Variants in ZPBP observed in about 807,000 individuals in gnomAD.
ZPBP encodes zona pellucida-binding protein 1.
Under a neutral mutation model 44.8 loss-of-function variants are expected in ZPBP, and 26 were observed. The observed-to-expected ratio is 0.58, with a 90% CI of 0.43 to 0.81. ZPBP has a LOEUF of 0.81. Ranked by LOEUF, ZPBP falls within the 30% of genes least tolerant of loss-of-function variation. The pLI, the probability that ZPBP is intolerant of heterozygous loss-of-function variation, is 0.00. For synonymous variants in ZPBP, 174 were observed against 153.2 expected (o/e 1.14, Z -1.00); for missense variants, 409 against 434.0 (o/e 0.94, Z 0.51).
chr7:50,029,121 G>A (rs910877436), intron 5 of ZPBP, among the ~76,000 whole-genome samples: 1 of 152,114 alleles, frequency 6.6e-6, no homozygotes, highest in African/African-American at 2.4e-5. Context: ...ATGGTGTACT[G>A]ACAGAAGAAC....
intron 1 of ZPBP, among the ~76,000 whole-genome samples, chr7:49,922,363 G>A (rs1050630882): frequency 2.6e-5 from 4 of 152,006 alleles, no homozygotes; most frequent in Admixed American, 6.6e-5. Flanking sequence ...GCGCTGGCTT[G>A]GAGAAAGGCT....
chr7:49,998,347 G>A (rs890822140), intron 6 of ZPBP, among the ~76,000 whole-genome samples: 12 of 152,166 alleles, frequency 7.9e-5, no homozygotes, highest in East Asian at 3.9e-4. Flanking sequence ...AAGACTCTCC[G>A]CTTCAGGGCA....
chr7:49,891,605 T>C (rs1214571738), intron 2 of ZPBP, among the ~76,000 whole-genome samples: 1 of 152,052 alleles, frequency 6.6e-6, no homozygotes, highest in Non-Finnish European at 1.5e-5. Context: ...GTCGATAAAA[T>C]ATAACAATAA....
chr7:49,928,191 T>C (rs548823672), intron 1 of ZPBP, among the ~76,000 whole-genome samples: 2 of 152,312 alleles, frequency 1.3e-5, no homozygotes, highest in Admixed American at 1.3e-4. Flanking sequence ...GGCTGACCAA[T>C]GCCCACAGGA....
At chr7:50,016,449 T>C (rs1212019319) in intron 6 of ZPBP, among the ~76,000 whole-genome samples, 1 of 152,100 alleles carries the variant, frequency 6.6e-6, no homozygotes, top group Admixed American at 6.6e-5. Context: ...TATCAGGTAC[T>C]ATGCTCACTA....
At chr7:49,913,453 T>C (rs1793560650) in intron 1 of ZPBP, 1 of 152,162 alleles carries the variant, frequency 6.6e-6, no homozygotes, top group African/African-American at 2.4e-5. Context: ...TCTTAATAGG[T>C]GTAGGATAAA....
intron 2 of ZPBP, among the ~76,000 whole-genome samples, chr7:49,881,677 T>C (rs1791668320): frequency 6.6e-6 from 1 of 152,186 alleles, no homozygotes; most frequent in African/African-American, 2.4e-5. Flanking sequence ...ATATTAGTTT[T>C]CCCTAAAAGT....
At chr7:50,021,111 T>C (rs1174355064) in intron 5 of ZPBP, among the ~76,000 whole-genome samples, 1 of 151,854 alleles carries the variant, frequency 6.6e-6, no homozygotes. Context: ...TCAAAAAAAA[T>C]AGTAGTTATA....
intron 6 of ZPBP, among the ~76,000 whole-genome samples, 176 bp from the exon 7 acceptor site, chr7:49,983,695 A>G (rs994938697): frequency 1.3e-5 from 2 of 152,138 alleles, no homozygotes; most frequent in Admixed American, 6.5e-5. Flanking sequence ...TCATCTATAA[A>G]CATCAAATAT....
chr7:50,057,739 C>A (rs192142249), intron 4 of ZPBP, among the ~76,000 whole-genome samples: 136 of 152,234 alleles, frequency 8.9e-4, no homozygotes, highest in Admixed American at 1.6e-3. Flanking sequence ...ATTTATACAT[C>A]CCTGGCCCTA....
intron 4 of ZPBP, among the ~76,000 whole-genome samples, chr7:50,046,228 T>C (rs1299584087): frequency 6.6e-6 from 1 of 152,302 alleles, no homozygotes; most frequent in Non-Finnish European, 1.5e-5. Flanking sequence ...ATTCAGGACA[T>C]AGGCATGGCC....
intron 6 of ZPBP, among the ~76,000 whole-genome samples, chr7:49,994,830 G>A (rs921292455): frequency 6.6e-6 from 1 of 152,110 alleles, no homozygotes; most frequent in African/African-American, 2.4e-5. Flanking sequence ...TAGACCTGTC[G>A]TAGATCCATT....
intron 5 of ZPBP, among the ~76,000 whole-genome samples, chr7:50,018,684 T>C (rs1584053877): frequency 6.6e-6 from 1 of 152,142 alleles, no homozygotes; most frequent in East Asian, 1.9e-4. Context: ...ATATACTGTG[T>C]GTCATTTAAC....
rs143063355 is a variant in ZPBP at position 49,881,739 on chromosome 7, G to T, written n.509+19379C>A. The stretch of plus-strand genomic sequence containing the variant: ...AATAACTCTAAATAGGCTTTTGATA[G>T]GCAATTCATCTCTTTAATTCATCTC... On this transcript the variant is annotated intron_variant and non_coding_transcript_variant, in intron 2 of 2. Transcript: ENST00000465922. Among the ~76,000 whole-genome samples the T allele has an allele frequency of 1.7e-3, 266 of 152,162 alleles. 3 individuals carry two copies. The highest frequency in any genetic ancestry group is 6.0e-3 in the African/African-American group (249 of 41,532).
At chr7:49,923,411 C>G (rs993734102) in intron 1 of ZPBP, among the ~76,000 whole-genome samples, 3 of 152,186 alleles carry the variant, frequency 2.0e-5, no homozygotes, top group Non-Finnish European at 4.4e-5. Context: ...AGTTAAACAT[C>G]TTTAATATGC....
chr7:50,090,512 T>C (rs1802907676), intron 1 of ZPBP, among the ~76,000 whole-genome samples: 1 of 151,538 alleles, frequency 6.6e-6, no homozygotes, highest in African/African-American at 2.4e-5. Context: ...TATATATATG[T>C]GTATATATGT....
intron 1 of ZPBP, chr7:49,917,555 C>T (rs1055462653): frequency 6.6e-6 from 1 of 152,106 alleles, no homozygotes; most frequent in African/African-American, 2.4e-5. Context: ...TTATCAAAAG[C>T]AATCAAAGTA....
chr7:49,988,360 A>G (rs948127007), intron 6 of ZPBP, among the ~76,000 whole-genome samples: 13 of 152,170 alleles, frequency 8.5e-5, no homozygotes. Context: ...TAGATGCTAC[A>G]GAGGGCCCCT....
At chr7:50,043,352 T>C (rs1284292771) in intron 4 of ZPBP, among the ~76,000 whole-genome samples, 1 of 152,168 alleles carries the variant, frequency 6.6e-6, no homozygotes. Flanking sequence ...GTGTCTTTAA[T>C]TCCTCTAGCA....
Sources: gnomAD v4.1 joint callset for allele counts (sites outside exome capture counted in the v4.1 genomes callset) on GRCh38, gnomAD v4.1.1 for gene constraint, MANE v1.5 for transcripts, NCBI Gene and HGNC (gene_info 2026-07-23, HGNC 2026-07-21) for gene names.